Variants in CACNA1E observed in about 807,000 individuals in gnomAD.
The protein encoded by CACNA1E is calcium voltage-gated channel subunit alpha1 E.
CACNA1E carries 40 observed loss-of-function variants against 259.2 expected under a neutral mutation model. The ratio of observed to expected loss-of-function variants is 0.15; its 90% CI spans 0.12 to 0.20. The LOEUF (loss-of-function observed/expected upper bound fraction) is 0.20, where lower values mean the gene tolerates loss of function less well. CACNA1E is among the 10% of genes least tolerant of loss of function. The probability of loss-of-function intolerance (pLI) is 1.00; values close to 1 mark genes in which losing one functional copy is unlikely to be tolerated. For synonymous variants in CACNA1E, 1,104 were observed against 1,138.5 expected, an observed-to-expected ratio of 0.97 and a Z score of 0.61; for missense variants, 1,874 against 3,040.1, an observed-to-expected ratio of 0.62 and a Z score of 9.02.
intron 8 of CACNA1E, among the ~76,000 whole-genome samples, chr1:181,714,973 G>A (rs1653751773): frequency 6.6e-6 from 1 of 152,240 alleles, no homozygotes; most frequent in South Asian, 2.1e-4. Context: ...GCTGCTAGAA[G>A]TTCAAGGAGT....
rs926574392 is a variant in CACNA1E, at chr1:181,720,982, C to G, written c.1956+127C>G. 1.5e-5 allele frequency: 10 copies of G among 666,920 alleles called. 1 individual carries two copies. Among genetic ancestry groups the G allele is most frequent in the Middle Eastern group, 4.9e-4 (2 of 4,076 alleles). The allele number at this position is 666,920 out of a possible 1,614,324, so 41.3% of individuals were successfully genotyped here. A position where few individuals can be genotyped will look rare whatever the true frequency, so the allele number is the denominator to read the frequency against. On this transcript the variant is annotated intron_variant, in intron 15 of 47. Transcript: ENST00000367573. ...AGGCTCCTCCCAGGGGATTGAGGCA[C>G]TCTTTCTAGTTGAGCGGTCATTACT...
chr1:181,711,957 G>A (rs7512985), intron 8 of CACNA1E, among the ~76,000 whole-genome samples: 43,588 of 152,076 alleles, frequency 0.29, 7,907 homozygotes, highest in Non-Finnish European at 0.41. Context: ...ATTGAGAATA[G>A]ACCATAGAAG....
chr1:181,453,609 T>C (rs922586008), intron 2 of CACNA1E, among the ~76,000 whole-genome samples: 9 of 152,182 alleles, frequency 5.9e-5, no homozygotes, highest in South Asian at 2.1e-4. Flanking sequence ...ACATTAGTAT[T>C]ATGCTAAGTA....
Position 181,510,564 on chromosome 1 carries a change from C to A in CACNA1E, c.354C>A (p.Thr118=), listed in dbSNP as rs565318461. 1.9e-6 allele frequency: 3 copies of A among 1,611,498 alleles called. No homozygotes were observed. The highest frequency in any genetic ancestry group is 1.3e-5 in the African/African-American group (1 of 74,998). The change falls in exon 2 of 48, where the codon ACC becomes ACA. Residue 118 remains threonine, a synonymous_variant. Coordinates refer to ENST00000367573, the MANE Select transcript of CACNA1E (RefSeq NM_001205293.3). ...LEQHLPEDDK[T]PMSRRLEKTE... Reference sequence around the variant, plus strand: ...AGCATCTTCCTGAGGATGACAAGACCCCCATGTCCCGAAGACTGGTATGTG... The same window carrying A: ...AGCATCTTCCTGAGGATGACAAGACACCCATGTCCCGAAGACTGGTATGTG...
rs529985438 is a variant in CACNA1E, at chr1:181,648,964, C to T, written c.952-2374C>T. On this transcript the variant is annotated intron_variant, in intron 6 of 47. Coordinates refer to ENST00000367573, the MANE Select transcript of CACNA1E (RefSeq NM_001205293.3). Reference sequence around the variant, plus strand: ...GTTAATCTGGAGCTTTACTGGTGAACCATCAGAGCTAGCCAGCCTTACAGA... The same window carrying T: ...GTTAATCTGGAGCTTTACTGGTGAATCATCAGAGCTAGCCAGCCTTACAGA... Among the ~76,000 whole-genome samples the T allele has an allele frequency of 2.0e-4, 31 of 152,284 alleles. No individual in the cohort carries two copies. The South Asian group carries it at 6.2e-3, about 31-fold the overall frequency.
At chr1:181,581,933 A>G (rs1351767820) in intron 6 of CACNA1E, among the ~76,000 whole-genome samples, 1 of 152,204 alleles carries the variant, frequency 6.6e-6, no homozygotes, top group East Asian at 1.9e-4. Context: ...TATTAGGTGG[A>G]ACATAAGGTG....
At chr1:181,680,443 G>C (rs887719391) in intron 7 of CACNA1E, among the ~76,000 whole-genome samples, 1 of 152,180 alleles carries the variant, frequency 6.6e-6, no homozygotes, top group Non-Finnish European at 1.5e-5. Flanking sequence ...GCCTGAGTGA[G>C]TGAAAACTGC....
At chr1:181,598,339 G>A (rs1450109508) in intron 6 of CACNA1E, among the ~76,000 whole-genome samples, 1 of 152,148 alleles carries the variant, frequency 6.6e-6, no homozygotes. Flanking sequence ...GAGCATTATG[G>A]ACCCATTGCT....
intron 6 of CACNA1E, among the ~76,000 whole-genome samples, chr1:181,648,922 T>C (rs1326013752): frequency 2.6e-5 from 4 of 152,184 alleles, no homozygotes; most frequent in Non-Finnish European, 1.5e-5. Flanking sequence ...GGCTAAGCCA[T>C]AGAGTGAATA....
Position 181,390,764 on chromosome 1 carries a change from A to G in CACNA1E, c.-14-22369A>G, listed in dbSNP as rs534298925. On this transcript the variant is annotated intron_variant, in intron 1 of 11. Coordinates refer to the CACNA1E transcript ENST00000524607. ...CTGTGGAGGTCAGAGAGTTGGAGAT[A>G]CAGTGAGCTATAACACATGGCATTC... 1.1e-4 allele frequency among the ~76,000 whole-genome samples: 17 copies of G among 152,336 alleles called. No individual in the cohort carries two copies. In the South Asian group the frequency reaches 3.5e-3, roughly 32 times the overall value.
intron 1 of CACNA1E, among the ~76,000 whole-genome samples, chr1:181,353,810 T>A (rs1653220409): frequency 6.6e-6 from 1 of 152,138 alleles, no homozygotes; most frequent in Non-Finnish European, 1.5e-5. Context: ...TGCTAACAAA[T>A]CTGTGGCTAC....
upstream of CACNA1E, chr1:181,483,487 TTTTTTTC>T (rs746537577): frequency 6.6e-5 from 22 of 333,356 alleles, no homozygotes; most frequent in South Asian, 4.6e-4. Context: ...CCACCCGCTT[TTTTTTTC>T]TTTTTTCTTT....
rs555773831 is a variant in CACNA1E at position 181,751,675 on chromosome 1, C to T, written c.3732-468C>T. Among the ~76,000 whole-genome samples, 38 of 152,286 alleles carry T rather than the reference C, an allele frequency of 2.5e-4. No homozygotes were observed. The South Asian group carries it at 7.1e-3, about 28-fold the overall frequency. The stretch of plus-strand genomic sequence containing the variant: ...CTCAACTGTGGGTTCATCAATTCAG[C>T]GAATATCATTTGAGAACCTATCATT... On this transcript the variant is annotated intron_variant, in intron 26 of 47. Transcript: ENST00000367573.
chr1:181,627,372 G>A (rs933686027), intron 6 of CACNA1E, among the ~76,000 whole-genome samples: 6 of 152,158 alleles, frequency 3.9e-5, no homozygotes, highest in African/African-American at 1.4e-4. Flanking sequence ...GGGGCATCTT[G>A]GGAAGAGGAA....
chr1:181,605,254 C>CCTAAAGAAG (rs1654121608), intron 6 of CACNA1E, among the ~76,000 whole-genome samples: 1 of 138,792 alleles, frequency 7.2e-6, no homozygotes, highest in South Asian at 2.3e-4. Flanking sequence ...CAAAAGCCTG[C>CCTAAAGAAG]CTAAAGAAGC....
chr1:181,733,924 C>A (rs529390256), intron 21 of CACNA1E, among the ~76,000 whole-genome samples, 174 bp downstream of exon 21: 1 of 152,358 alleles, frequency 6.6e-6, no homozygotes, highest in African/African-American at 2.4e-5. Flanking sequence ...AGCTAGCGTT[C>A]TCTTCATCTT....
At chr1:181,462,356 G>A (rs184343507) in intron 2 of CACNA1E, among the ~76,000 whole-genome samples, 4 of 152,284 alleles carry the variant, frequency 2.6e-5, no homozygotes, top group Admixed American at 2.6e-4. Flanking sequence ...GAAAGGTTGT[G>A]CTAATTCCAA....
At chr1:181,779,885 C>G (rs534825456) in intron 38 of CACNA1E, among the ~76,000 whole-genome samples, 1 of 151,098 alleles carries the variant, frequency 6.6e-6, no homozygotes, top group South Asian at 2.1e-4. Context: ...ATCAGAGGGA[C>G]CTCTCCTTTC....
chr1:181,699,046 CAGCT>C (rs1320748670), intron 7 of CACNA1E, among the ~76,000 whole-genome samples: 1 of 152,150 alleles, frequency 6.6e-6, no homozygotes, highest in African/African-American at 2.4e-5. Context: ...AATAGGTGTA[CAGCT>C]TGTTTTCAGA....
Sources: gnomAD v4.1 joint callset for allele counts (sites outside exome capture counted in the v4.1 genomes callset) on GRCh38, gnomAD v4.1.1 for gene constraint, MANE v1.5 for transcripts, NCBI Gene and HGNC (gene_info 2026-07-23, HGNC 2026-07-21) for gene names.